Variants in ANK2 observed in about 807,000 individuals in gnomAD.
ANK2 encodes the protein ankyrin 2.
In ANK2, 83 loss-of-function variants were observed where a neutral mutation model predicts 360.5. That is an observed-to-expected ratio of 0.23 (90% CI 0.19 to 0.28). The LOEUF is 0.28. Among genes scored for constraint, ANK2 ranks in the 10% least tolerant of loss-of-function variants. ANK2 has a pLI of 1.00. For missense variants in ANK2, 4,201 were observed against 4,795.7 expected (o/e 0.88, Z 3.66); for synonymous variants, 1,740 against 1,759.5 (o/e 0.99, Z 0.28).
chr4:113,196,248 A>T (rs2098745587), intron 2 of ANK2, 120 bp from the exon 3 acceptor site: 2 of 754,846 alleles, frequency 2.6e-6, no homozygotes, highest in Non-Finnish European at 4.5e-6. Context: ...CTAATGCAAA[A>T]AGGAAAAAAA....
At chr4:112,948,906 T>G (rs1561234782) in intron 2 of ANK2, among the ~76,000 whole-genome samples, 1 of 152,144 alleles carries the variant, frequency 6.6e-6, no homozygotes, top group Non-Finnish European at 1.5e-5. Context: ...CCTATTGCTT[T>G]TGGTGCTTTC....
chr4:113,051,239 TG>T (rs2066867965), intron 1 of ANK2, among the ~76,000 whole-genome samples: 1 of 152,194 alleles, frequency 6.6e-6, no homozygotes, highest in African/African-American at 2.4e-5. Flanking sequence ...AAGGAATTTT[TG>T]TTTTAATTCA....
intron 45 of ANK2, among the ~76,000 whole-genome samples, chr4:113,375,787 T>G (rs1015513341): frequency 2.6e-5 from 4 of 152,048 alleles, no homozygotes; most frequent in Non-Finnish European, 5.9e-5. Flanking sequence ...CACAAACTCT[T>G]ACTAAAATCC....
At chr4:113,240,367 A>G in intron 7 of ANK2, 118 bp from the exon 8 acceptor site, 1 of 759,510 alleles carries the variant, frequency 1.3e-6, no homozygotes, top group Non-Finnish European at 2.3e-6. Flanking sequence ...TTACTAAAGC[A>G]TTTATTATTG....
chr4:113,346,944 C>T (rs1410205771), intron 35 of ANK2, among the ~76,000 whole-genome samples: 2 of 151,990 alleles, frequency 1.3e-5, no homozygotes, highest in African/African-American at 4.8e-5. Flanking sequence ...ACCAATATTT[C>T]TTTTGAATAG....
chr4:112,735,271 C>T, the ANK2 span, among the ~76,000 whole-genome samples: 1 of 151,952 alleles, frequency 6.6e-6, no homozygotes, highest in Non-Finnish European at 1.5e-5. Flanking sequence ...GCAGAGGTTG[C>T]AGTGAGCTGA....
chr4:113,307,754 G>A (rs2077968004), intron 23 of ANK2, among the ~76,000 whole-genome samples: 1 of 152,058 alleles, frequency 6.6e-6, no homozygotes, highest in African/African-American at 2.4e-5. Flanking sequence ...GTCCTACAGG[G>A]GTTAAATATA....
At chr4:113,143,715 TG>T (rs549288549) in intron 1 of ANK2, among the ~76,000 whole-genome samples, 22 of 152,314 alleles carry the variant, frequency 1.4e-4, no homozygotes, top group African/African-American at 4.8e-4. Flanking sequence ...TAAGACTTTG[TG>T]GACCACAGAC....
At chr4:112,867,127 T>G (rs1029109535) in intron 1 of ANK2, among the ~76,000 whole-genome samples, 2 of 152,064 alleles carry the variant, frequency 1.3e-5, no homozygotes, top group Non-Finnish European at 2.9e-5. Context: ...TCTTACATTT[T>G]TTTTTCCTTG....
intron 1 of ANK2, among the ~76,000 whole-genome samples, chr4:113,163,116 T>C (rs1347260777): frequency 6.6e-6 from 1 of 152,214 alleles, no homozygotes; most frequent in East Asian, 1.9e-4. Flanking sequence ...TATTACATAT[T>C]CTTTAGTCTC....
the ANK2 span, among the ~76,000 whole-genome samples, chr4:112,807,946 G>A: frequency 1.3e-5 from 2 of 152,190 alleles, no homozygotes; most frequent in African/African-American, 4.8e-5. Flanking sequence ...AACCAATATT[G>A]AAAAGATGAA....
chr4:113,251,545 C>T (rs577054186), intron 10 of ANK2, among the ~76,000 whole-genome samples: 41 of 143,156 alleles, frequency 2.9e-4, no homozygotes, highest in East Asian at 1.9e-3. Flanking sequence ...TGCAGTGGCA[C>T]GATCTCGGCT....
chr4:113,324,020 G>A (rs1187811495), intron 26 of ANK2, among the ~76,000 whole-genome samples: 2 of 152,196 alleles, frequency 1.3e-5, no homozygotes, highest in Admixed American at 1.3e-4. Flanking sequence ...AAGTGGGGCT[G>A]TTCCAGACTT....
intron 5 of ANK2, 46 bp downstream of exon 5, chr4:113,232,305 C>A (rs1283989733): frequency 1.4e-6 from 2 of 1,384,580 alleles, no homozygotes; most frequent in Non-Finnish European, 2.1e-6. Flanking sequence ...ATCTTAATGT[C>A]CATATTCTTT....
At position 113,232,221 on chromosome 4, in the gene ANK2, T is replaced by C; in HGVS notation, c.445T>C (p.Leu149=). 1 of 1,608,224 alleles carries C rather than the reference T, an allele frequency of 6.2e-7. No homozygotes were observed. The highest frequency in any genetic ancestry group is 8.5e-7 in the Non-Finnish European group (1 of 1,174,734). The stretch of plus-strand genomic sequence containing the variant: ...GAATCACATTGATGTTGTAAAATAT[T>C]TGCTGGAAAATGGAGCTAATCAGAG... The part of the protein sequence containing the change: ...QENHIDVVKY[L]LENGANQSTA... Residue 149 remains leucine (L), a synonymous_variant, in exon 5 of 46, where the codon TTG becomes CTG. Coordinates refer to ENST00000357077, the MANE Select transcript of ANK2 (RefSeq NM_001148.6).
chr4:112,817,009 CA>C (rs954363089), upstream of ANK2, among the ~76,000 whole-genome samples: 1 of 151,352 alleles, frequency 6.6e-6, no homozygotes, highest in Non-Finnish European at 1.5e-5. Flanking sequence ...AGACGGTGTC[CA>C]AAAAAAACAG....
At chr4:113,309,630 C>T (rs1318314772) in intron 23 of ANK2, among the ~76,000 whole-genome samples, 1 of 152,046 alleles carries the variant, frequency 6.6e-6, no homozygotes, top group Non-Finnish European at 1.5e-5. Flanking sequence ...GCGATTCTCC[C>T]ACTTCAGCCT....
intron 1 of ANK2, among the ~76,000 whole-genome samples, chr4:113,153,764 G>A (rs2097178426): frequency 6.6e-6 from 1 of 152,200 alleles, no homozygotes; most frequent in African/African-American, 2.4e-5. Context: ...CACATCAGAA[G>A]AATCGCCTGG....
intron 1 of ANK2, among the ~76,000 whole-genome samples, chr4:112,853,907 C>T (rs1294608297): frequency 1.3e-5 from 2 of 152,144 alleles, no homozygotes; most frequent in Non-Finnish European, 2.9e-5. Context: ...GTCATTCATT[C>T]AATCAATAAA....
Sources: gnomAD v4.1 joint callset for allele counts (sites outside exome capture counted in the v4.1 genomes callset) on GRCh38, gnomAD v4.1.1 for gene constraint, MANE v1.5 for transcripts, NCBI Gene and HGNC (gene_info 2026-07-23, HGNC 2026-07-21) for gene names.